Variants in PARP9 observed in about 807,000 individuals in gnomAD.
PARP9 encodes the protein protein mono-ADP-ribosyltransferase PARP9.
Under a neutral mutation model 68.8 loss-of-function variants are expected in PARP9, and 48 were observed. The observed-to-expected ratio is 0.70, with a 90% confidence interval of 0.55 to 0.89. PARP9 has a LOEUF of 0.89. Ranked by LOEUF, PARP9 falls within the 40% of genes least tolerant of loss-of-function variation. The probability of loss-of-function intolerance (pLI) is 0.00; values close to 1 mark genes in which losing one functional copy is unlikely to be tolerated. For missense variants in PARP9, 806 were observed against 969.3 expected (o/e 0.83, Z 2.24); for synonymous variants, 309 against 333.8 (o/e 0.93, Z 0.81).
intron 9 of PARP9, chr3:122,536,631 A>G (rs1162661934): frequency 1.9e-6 from 1 of 539,632 alleles, no homozygotes; most frequent in East Asian, 3.2e-5. Flanking sequence ...AGATAGAAAA[A>G]TAGGTAAACA....
intron 8 of PARP9, among the ~76,000 whole-genome samples, chr3:122,537,798 C>T (rs1358850144): frequency 1.3e-5 from 2 of 151,906 alleles, no homozygotes; most frequent in African/African-American, 4.8e-5. Flanking sequence ...TCCCTCCCTC[C>T]CTCTCCTTCC....
intron 10 of PARP9, chr3:122,534,018 G>A: frequency 5.1e-6 from 5 of 985,478 alleles, no homozygotes; most frequent in Non-Finnish European, 6.0e-6. Context: ...ACAGAGATGA[G>A]TCAATTGGTG....
In PARP9 at chr3:122,552,599, G is replaced by A. The variant is rs1286365929; in HGVS notation, c.926C>T (p.Thr309Ile). 3 of 1,613,828 alleles carry A rather than the reference G, an allele frequency of 1.9e-6. No homozygotes were observed. The highest frequency in any genetic ancestry group is 3.3e-5 in the Admixed American group (2 of 60,018). ...AATTGACTTTGCCACAGGTCCAACT[G>A]TAATATCATGTGGGTTTACAGAATT... ...IVNSVNPHDI[T>I]VGPVAKSILQ... Residue 309 changes from threonine to isoleucine, a missense_variant, in exon 5 of 11, where the codon ACA (threonine) becomes ATA (isoleucine). This residue lies in a region of PARP9 where 680 missense variants were observed against 858.8 expected (regional missense o/e 0.79). Coordinates refer to ENST00000682323, the MANE Select transcript of PARP9 (RefSeq NM_001146105.2).
intron 8 of PARP9, among the ~76,000 whole-genome samples, chr3:122,538,127 T>G (rs914510425): frequency 3.1e-4 from 47 of 152,270 alleles, no homozygotes; most frequent in African/African-American, 1.1e-3. Context: ...GGGACAAAAC[T>G]CCATAGCAGA....
At position 122,540,583 on chromosome 3, in the gene PARP9, C is replaced by T; in HGVS notation, c.1654G>A (p.Glu552Lys). Residue 552 changes from glutamate to lysine, a missense_variant, in exon 8 of 11, where the codon GAA becomes AAA. Glu to Lys is a moderately conservative substitution (Grantham distance 56, BLOSUM62 1). Transcript: ENST00000682323. ...ISPGRTELEI[E>K]GARADLIEVV... ...TCAATGAGGTCAGCCCGGGCTCCTT[C>T]AATCTCTAACTCTGTCCTTCCTGGG... is the stretch of plus-strand genomic sequence containing the variant. 2 of 1,614,198 alleles carry T rather than the reference C, an allele frequency of 1.2e-6. No homozygotes were observed. The highest frequency in any genetic ancestry group is 1.7e-6 in the Non-Finnish European group (2 of 1,180,024).
chr3:122,559,791 A>C (rs2080031708), intron 1 of PARP9, 82 bp from the exon 2 acceptor site: 1 of 506,556 alleles, frequency 2.0e-6, no homozygotes, highest in Non-Finnish European at 3.4e-6. Context: ...AGGAGGACTG[A>C]ACATGATTTC....
rs1265853386 is a variant in PARP9 at position 122,564,264 on chromosome 3, G to T, written c.-109C>A. 2.6e-5 allele frequency: 22 copies of T among 847,972 alleles called. No individual in the cohort carries two copies. Among genetic ancestry groups the T allele is most frequent in the Middle Eastern group, 3.7e-4 (1 of 2,698 alleles). The allele number at this position is 847,972 out of a possible 1,614,324, so 52.5% of individuals were successfully genotyped here. A position where few individuals can be genotyped will look rare whatever the true frequency, so the allele number is the denominator to read the frequency against. ...ACTCACCCGGCAGGCCGCTCTCCTC[G>T]GTGCAGACAGCACAGGGAGGAGGGG... On this transcript the variant is annotated 5_prime_UTR_variant, in exon 1 of 11. Coordinates refer to ENST00000682323, the MANE Select transcript of PARP9 (RefSeq NM_001146105.2).
chr3:122,537,155 T>G (rs764569984), intron 8 of PARP9, 82 bp from the exon 9 acceptor site: 28 of 1,414,186 alleles, frequency 2.0e-5, no homozygotes, highest in Non-Finnish European at 2.5e-5. Flanking sequence ...TTCTAGAAAT[T>G]TAGAGGAAGG....
intron 9 of PARP9, 135 bp downstream of exon 9, chr3:122,536,799 C>T: frequency 9.3e-7 from 1 of 1,072,506 alleles, no homozygotes; most frequent in Non-Finnish European, 1.3e-6. Context: ...GCTCTCTTTT[C>T]AGTCTTACTG....
At chr3:122,536,110 T>C in intron 10 of PARP9, 58 bp downstream of exon 10, 1 of 1,612,788 alleles carries the variant, frequency 6.2e-7, no homozygotes, top group South Asian at 1.1e-5. Context: ...AAGAATCTAC[T>C]GATGTCAGCT....
intron 10 of PARP9, among the ~76,000 whole-genome samples, chr3:122,531,516 G>A (rs1009831468): frequency 5.3e-5 from 8 of 152,176 alleles, no homozygotes; most frequent in Non-Finnish European, 1.0e-4. Flanking sequence ...CCAGCACTTC[G>A]GGAGGCCGAG....
intron 10 of PARP9, chr3:122,532,239 G>A: frequency 2.0e-6 from 2 of 985,492 alleles, no homozygotes; most frequent in African/African-American, 3.5e-5. Context: ...CACAGACATG[G>A]CCTGGAAAGG....
intron 5 of PARP9, among the ~76,000 whole-genome samples, chr3:122,551,136 A>G (rs1192057903): frequency 6.6e-6 from 1 of 152,212 alleles, no homozygotes; most frequent in African/African-American, 2.4e-5. Context: ...TTCCAGGTCA[A>G]CGTCAAGAGC....
At chr3:122,542,364 C>T (rs958009097) in intron 7 of PARP9, among the ~76,000 whole-genome samples, 2 of 149,860 alleles carry the variant, frequency 1.3e-5, no homozygotes, top group Non-Finnish European at 3.0e-5. Context: ...ACTGGGACTA[C>T]AGGCATGAGT....
At chr3:122,564,209 G>C in intron 1 of PARP9, 36 bp downstream of exon 1, 1 of 538,430 alleles carries the variant, frequency 1.9e-6, no homozygotes, top group Non-Finnish European at 3.2e-6. Flanking sequence ...GCAGGAGAGG[G>C]GACCCCGAGG....
Position 122,555,478 on chromosome 3 carries a change from C to T in PARP9, c.693G>A (p.Lys231=). 6.2e-7 allele frequency: 1 copy of T among 1,614,176 alleles called. No homozygotes were observed. The highest frequency in any genetic ancestry group is 1.7e-5 in the Admixed American group (1 of 60,020). Residue 231 remains lysine, a synonymous_variant, in exon 4 of 11, where the codon AAG becomes AAA. Transcript: ENST00000682323. Reference sequence around the variant, plus strand: ...TTTCTTTCAAATTACTCATCATTGGCTTCCCTTGCAAACTAACCCGGATAG... The same window carrying T: ...TTTCTTTCAAATTACTCATCATTGGTTTCCCTTGCAAACTAACCCGGATAG... ...VETIRVSLQG[K]PMMSNLKEIH... is the part of the protein sequence containing the mutation.
In PARP9 at chr3:122,540,457, TAGAA is replaced by T; in HGVS notation, c.1765+11_1765+14del. 6.2e-7 allele frequency: 1 copy of T among 1,606,856 alleles called. No individual in the cohort carries two copies. Among genetic ancestry groups the T allele is most frequent in the Non-Finnish European group, 8.5e-7 (1 of 1,176,280 alleles). ...GGGGAGAATTTACTTTCTAATTTGA[TAGAA>T]AGTTACTCACCTAACGAGCGCCAAA... On this transcript the variant is annotated intron_variant, in intron 8 of 10. Coordinates refer to ENST00000682323, the MANE Select transcript of PARP9 (RefSeq NM_001146105.2).
At chr3:122,532,273 A>T in intron 10 of PARP9, 1 of 985,356 alleles carries the variant, frequency 1.0e-6, no homozygotes, top group East Asian at 1.1e-4. Context: ...TGGAAAAGAC[A>T]TAGAGTGGCC....
At chr3:122,546,481 A>G (rs66840900) in intron 6 of PARP9, among the ~76,000 whole-genome samples, 3,076 of 152,342 alleles carry the variant, frequency 0.02, 84 homozygotes, top group East Asian at 0.12. Context: ...TTAAGGTAGG[A>G]TAGGCTAAGC....
Sources: allele counts gnomAD v4.1 joint callset (sites outside exome capture counted in the v4.1 genomes callset), GRCh38; gene constraint gnomAD v4.1.1; regional missense constraint gnomAD v4.1.1; transcripts MANE v1.5; gene names NCBI Gene and HGNC (gene_info 2026-07-23, HGNC 2026-07-21).